PIGU: variants seen among roughly 807,000 people sequenced by gnomAD.
PIGU encodes phosphatidylinositol glycan anchor biosynthesis class U, also known as GPI-anchor transamidase component PIGU.
In PIGU, 24 loss-of-function variants were observed where a neutral mutation model predicts 49.9. That is an observed-to-expected ratio of 0.48 (90% CI 0.35 to 0.68). The LOEUF is 0.68. Ranked by LOEUF, PIGU falls within the 30% of genes least tolerant of loss-of-function variation. PIGU has a pLI of 0.01. For synonymous variants in PIGU, 220 were observed against 205.7 expected (o/e 1.07, Z -0.59); for missense variants, 490 against 532.6 (o/e 0.92, Z 0.79).
chr20:34,658,118 C>T (rs1449667521), intron 1 of PIGU, among the ~76,000 whole-genome samples: 1 of 152,070 alleles, frequency 6.6e-6, no homozygotes, highest in East Asian at 1.9e-4. Context: ...TCAGCCTGCC[C>T]AGTGCCTGCG....
chr20:34,656,763 CA>C (rs66812401), intron 2 of PIGU, among the ~76,000 whole-genome samples: 48,586 of 98,738 alleles, frequency 0.49, 8,166 homozygotes, highest in Admixed American at 0.6. Flanking sequence ...AAGACCCTGC[CA>C]AAAAAAAAAA....
chr20:34,589,412 G>T (rs1983855644), intron 7 of PIGU, among the ~76,000 whole-genome samples: 1 of 152,210 alleles, frequency 6.6e-6, no homozygotes, highest in Non-Finnish European at 1.5e-5. Context: ...AGAGTGCAGT[G>T]GCACGATCTC....
chr20:34,654,919 C>T lies in PIGU; in HGVS notation c.195+2261G>A, dbSNP rs752516355. 4.4e-5 allele frequency among the ~76,000 whole-genome samples: 5 copies of T among 113,554 alleles called. 1 individual carries two copies. The highest frequency in any genetic ancestry group is 2.7e-4 in the East Asian group (1 of 3,644). The allele number at this position is 113,554 out of a possible 152,430, so 74.5% of individuals were successfully genotyped here. A position where few individuals can be genotyped will look rare whatever the true frequency, so the allele number is the denominator to read the frequency against. ...TCTCGGGAGGCTGAGGCAGAGGAGT[C>T]GCTTGAACCCGGGAGGCAGAGGTTG... On this transcript the variant is annotated intron_variant, in intron 2 of 11. Transcript: ENST00000217446.
At position 34,637,989 on chromosome 20, in the gene PIGU, G is replaced by T; in HGVS notation, c.319-4C>A. 1 of 1,341,318 alleles carries T rather than the reference G, an allele frequency of 7.5e-7. No individual in the cohort carries two copies. The allele number at this position is 1,341,318 out of a possible 1,614,324, so 83.1% of individuals were successfully genotyped here. ...GGAGGAGTTTCTGCTTTTTAAACTA[G>T]AAAAAAAAAAAAAAGGAAAAGATAA... On this transcript the variant is annotated splice_region_variant and splice_polypyrimidine_tract_variant and intron_variant, in intron 4 of 11. Coordinates refer to ENST00000217446, the MANE Select transcript of PIGU (RefSeq NM_080476.5).
chr20:34,665,393 C>T (rs1164102630), intron 1 of PIGU, among the ~76,000 whole-genome samples: 5 of 150,792 alleles, frequency 3.3e-5, no homozygotes, highest in Admixed American at 1.3e-4. Context: ...TTAGTAGAGA[C>T]GGGGTTTCAC....
intron 6 of PIGU, among the ~76,000 whole-genome samples, chr20:34,630,091 T>C (rs1006269664): frequency 9.9e-5 from 15 of 152,048 alleles, no homozygotes; most frequent in African/African-American, 2.9e-4. Context: ...GGTGGGGGTA[T>C]GGCATAGAGA....
At chr20:34,676,890 T>C in intron 1 of PIGU, 66 bp downstream of exon 1, 3 of 1,505,716 alleles carry the variant, frequency 2.0e-6, no homozygotes, top group Non-Finnish European at 8.9e-7. Flanking sequence ...TGCCCCCGCC[T>C]CCCATTCACA....
chr20:34,582,123 C>CT (rs1983501529), intron 9 of PIGU, among the ~76,000 whole-genome samples: 1 of 152,148 alleles, frequency 6.6e-6, no homozygotes, highest in Non-Finnish European at 1.5e-5. Flanking sequence ...CCTTTTTTCT[C>CT]TAACAACATG....
intron 11 of PIGU, among the ~76,000 whole-genome samples, chr20:34,570,562 G>A (rs559700377): frequency 1.8e-4 from 27 of 152,108 alleles, no homozygotes; most frequent in Non-Finnish European, 2.9e-4. Flanking sequence ...CTACAGGCGC[G>A]TGCCACCACA....
chr20:34,576,518 C>A (rs1321426501), intron 10 of PIGU, among the ~76,000 whole-genome samples: 1 of 152,208 alleles, frequency 6.6e-6, no homozygotes, highest in Non-Finnish European at 1.5e-5. Context: ...TTCCTTGGTT[C>A]ATGACCCCCT....
chr20:34,612,771 C>T (rs1281641882), intron 7 of PIGU, among the ~76,000 whole-genome samples: 2 of 151,796 alleles, frequency 1.3e-5, no homozygotes, highest in Non-Finnish European at 2.9e-5. Context: ...TACAGGAACA[C>T]TCCCCCATGT....
chr20:34,631,759 ATATATATATATATATATATATATATATT>A (rs1985755522), intron 6 of PIGU, among the ~76,000 whole-genome samples: 1 of 5,716 alleles, frequency 1.7e-4, no homozygotes, highest in African/African-American at 4.9e-4. Flanking sequence ...ATATATATAT[ATATATATATATATATATATATATATATT>A]TTTTTTTTTT....
At chr20:34,595,095 CAAA>C (rs71194627) in intron 7 of PIGU, among the ~76,000 whole-genome samples, 2 of 71,334 alleles carry the variant, frequency 2.8e-5, no homozygotes, top group African/African-American at 1.1e-4. Context: ...GACTCCGTCT[CAAA>C]AAAAAAAAAA....
At chr20:34,628,805 C>G (rs1985591045) in intron 6 of PIGU, among the ~76,000 whole-genome samples, 1 of 152,134 alleles carries the variant, frequency 6.6e-6, no homozygotes, top group Admixed American at 6.5e-5. Flanking sequence ...GAACTGAGAT[C>G]ATGTCACTGC....
chr20:34,664,278 GT>G (rs1221160676), intron 1 of PIGU, among the ~76,000 whole-genome samples: 27 of 152,236 alleles, frequency 1.8e-4, no homozygotes, highest in Middle Eastern at 3.4e-3. Flanking sequence ...AGCCTCCCAA[GT>G]AGCTGGGACT....
chr20:34,654,045 G>A (rs1280908472), intron 2 of PIGU, among the ~76,000 whole-genome samples: 1 of 130,880 alleles, frequency 7.6e-6, no homozygotes, highest in African/African-American at 2.8e-5. Flanking sequence ...TTTTAGTAGA[G>A]ACGGGGTTTC....
At chr20:34,570,302 G>A (rs1982949660) in intron 11 of PIGU, among the ~76,000 whole-genome samples, 2 of 152,226 alleles carry the variant, frequency 1.3e-5, no homozygotes, top group African/African-American at 4.8e-5. Context: ...ATGAGTTTAT[G>A]TAAATGCACA....
intron 1 of PIGU, among the ~76,000 whole-genome samples, chr20:34,657,952 C>A (rs540813972): frequency 3.9e-5 from 5 of 129,478 alleles, no homozygotes; most frequent in African/African-American, 1.4e-4. Flanking sequence ...CTCCCTCACC[C>A]TCTCCCTCTC....
At chr20:34,649,637 C>T (rs559455047) in intron 2 of PIGU, among the ~76,000 whole-genome samples, 4 of 150,026 alleles carry the variant, frequency 2.7e-5, no homozygotes, top group Non-Finnish European at 5.9e-5. Context: ...CAGGTTCAAG[C>T]GATTCTCCCA....
Sources: allele counts gnomAD v4.1 joint callset (sites outside exome capture counted in the v4.1 genomes callset), GRCh38; gene constraint gnomAD v4.1.1; transcripts MANE v1.5; gene names NCBI Gene and HGNC (gene_info 2026-07-23, HGNC 2026-07-21).